STK38: variants seen among roughly 807,000 people sequenced by gnomAD.
The protein encoded by STK38 is serine/threonine-protein kinase 38.
STK38 carries 26 observed loss-of-function variants against 59.0 expected under a neutral mutation model. That is an observed-to-expected ratio of 0.44 (90% confidence interval 0.32 to 0.61). STK38 has a LOEUF of 0.61. Ranked by LOEUF, STK38 falls within the 20% of genes least tolerant of loss-of-function variation. The pLI is 0.04. For missense variants in STK38, 433 were observed against 566.0 expected (o/e 0.76, Z 2.38); for synonymous variants, 175 against 176.6 (o/e 0.99, Z 0.07).
chr6:36,511,120 A>G (rs1353734239), intron 7 of STK38, among the ~76,000 whole-genome samples: 4 of 152,204 alleles, frequency 2.6e-5, no homozygotes, highest in Non-Finnish European at 5.9e-5. Context: ...AATGACTTCA[A>G]TGTCTGTGGT....
chr6:36,545,821 A>G (rs1219678494), intron 1 of STK38, among the ~76,000 whole-genome samples: 1 of 152,210 alleles, frequency 6.6e-6, no homozygotes, highest in Non-Finnish European at 1.5e-5. Context: ...CAAAGTTTTA[A>G]AAAATTAACA....
At position 36,508,794 on chromosome 6, in the gene STK38, C is replaced by T. The variant is rs566248288; in HGVS notation, c.670-1192G>A. On this transcript the variant is annotated intron_variant, in intron 7 of 13. Coordinates refer to ENST00000229812, the MANE Select transcript of STK38 (RefSeq NM_007271.4). ...AGCCACTGCACACAGCCAGGCACACCGGTGGCCACTGCACACAGCCAGGCA... is the reference window on the plus strand; with the variant it reads ...AGCCACTGCACACAGCCAGGCACACTGGTGGCCACTGCACACAGCCAGGCA... Among the ~76,000 whole-genome samples the T allele has an allele frequency of 1.3e-4, 20 of 152,260 alleles. No individual in the cohort carries two copies. The South Asian group carries it at 3.9e-3, about 30-fold the overall frequency.
intron 9 of STK38, 25 bp from the exon 10 acceptor site, chr6:36,500,015 G>A (rs755665514): frequency 8.8e-6 from 14 of 1,583,498 alleles, no homozygotes; most frequent in Admixed American, 6.7e-5. Context: ...ACACATCAGC[G>A]AGGCCCAGCC....
At chr6:36,501,982 C>T (rs1464411610) in intron 9 of STK38, among the ~76,000 whole-genome samples, 2 of 152,152 alleles carry the variant, frequency 1.3e-5, no homozygotes, top group Non-Finnish European at 2.9e-5. Context: ...GGGTTATAAG[C>T]ATTTAAACTT....
intron 3 of STK38, 49 bp from the exon 4 acceptor site, chr6:36,524,512 G>C (rs753214733): frequency 1.9e-5 from 29 of 1,546,494 alleles, no homozygotes; most frequent in Non-Finnish European, 2.3e-5. Context: ...CTGAAATTCT[G>C]AAACTCTGTA....
chr6:36,524,575 G>A, intron 3 of STK38, 112 bp from the exon 4 acceptor site: 1 of 1,115,284 alleles, frequency 9.0e-7, no homozygotes, highest in Non-Finnish European at 1.3e-6. Context: ...AGTGGACTAA[G>A]GATAATCTTT....
chr6:36,532,301 T>C (rs1314176317), intron 2 of STK38, among the ~76,000 whole-genome samples: 1 of 130,748 alleles, frequency 7.6e-6, no homozygotes, highest in Admixed American at 7.6e-5. Context: ...AGTGAGACCT[T>C]GTCTGCATAA....
chr6:36,515,297 T>C, intron 7 of STK38, 41 bp downstream of exon 7: 1 of 1,602,730 alleles, frequency 6.2e-7, no homozygotes, highest in Non-Finnish European at 8.5e-7. Context: ...GCTGCTCAGA[T>C]CAGTAAACGT....
intron 2 of STK38, among the ~76,000 whole-genome samples, chr6:36,539,314 A>G (rs1777874955): frequency 6.6e-6 from 1 of 151,642 alleles, no homozygotes; most frequent in Admixed American, 6.6e-5. Flanking sequence ...TGAACCCAGG[A>G]GGCAGAGGCT....
chr6:36,499,845 A>G, intron 10 of STK38, 28 bp downstream of exon 10: 1 of 1,581,768 alleles, frequency 6.3e-7, no homozygotes, highest in South Asian at 1.1e-5. Flanking sequence ...GATGCACAGA[A>G]AAAGTCCTCT....
At chr6:36,522,003 C>T (rs1405247843) in intron 4 of STK38, among the ~76,000 whole-genome samples, 186 bp from the exon 5 acceptor site, 1 of 152,140 alleles carries the variant, frequency 6.6e-6, no homozygotes, top group African/African-American at 2.4e-5. Context: ...ACAGTAAAGT[C>T]GATGCTGGAA....
At chr6:36,543,936 G>A (rs1338809565) in intron 1 of STK38, among the ~76,000 whole-genome samples, 1 of 152,116 alleles carries the variant, frequency 6.6e-6, no homozygotes, top group East Asian at 1.9e-4. Context: ...ACCCAGCCAA[G>A]GACCATTTTC....
Position 36,507,569 on chromosome 6 carries a change from T to C in STK38, c.703A>G (p.Thr235Ala), listed in dbSNP as rs1386857046. The change falls in exon 8 of 14, where the codon ACA (threonine) becomes GCA (alanine). Residue 235 changes from threonine to alanine, a missense_variant. Physicochemically the swap from Thr to Ala is moderately conservative, Grantham distance 58. This residue lies in a region of STK38 where 293 missense variants were observed against 388.2 expected (regional missense o/e 0.75). Coordinates refer to ENST00000229812, the MANE Select transcript of STK38 (RefSeq NM_007271.4). ...GTCCTATGTGCTTTTTTCAGTCCTG[T>C]GCAAAGACCAAAGTCAGAAAGTTTC... ...HVKLSDFGLCTGLKKAHRTEF... is the reference protein window; with the variant it reads ...HVKLSDFGLCAGLKKAHRTEF... The C allele has an allele frequency of 6.2e-7, 1 of 1,614,144 alleles. No homozygotes were observed. The highest frequency in any genetic ancestry group is 1.7e-5 in the Admixed American group (1 of 60,028).
intron 2 of STK38, among the ~76,000 whole-genome samples, chr6:36,529,645 A>G (rs941381113): frequency 6.6e-6 from 1 of 152,220 alleles, no homozygotes; most frequent in Non-Finnish European, 1.5e-5. Flanking sequence ...AGAGAGTGGT[A>G]AGTCCTTCTG....
chr6:36,497,886 C>T lies in STK38; in HGVS notation c.1077-11G>A. 1 of 1,594,018 alleles carries T rather than the reference C, an allele frequency of 6.3e-7. No homozygotes were observed. Among genetic ancestry groups the T allele is most frequent in the South Asian group, 1.1e-5 (1 of 88,870 alleles). Reference sequence around the variant, plus strand: ...CATTCACAGCAGAACCTGGAAAAGACAGAGGCCTTTCAGCACATCTCAAGC... The same window carrying T: ...CATTCACAGCAGAACCTGGAAAAGATAGAGGCCTTTCAGCACATCTCAAGC... On this transcript the variant is annotated splice_polypyrimidine_tract_variant and intron_variant, in intron 11 of 13. Coordinates refer to ENST00000229812, the MANE Select transcript of STK38 (RefSeq NM_007271.4).
chr6:36,540,521 G>C (rs1777908684), intron 1 of STK38, among the ~76,000 whole-genome samples: 1 of 152,190 alleles, frequency 6.6e-6, no homozygotes, highest in South Asian at 2.1e-4. Flanking sequence ...GGAAGTTGGA[G>C]GCACTTAAGT....
chr6:36,499,531 G>C (rs1031020092), intron 10 of STK38, among the ~76,000 whole-genome samples: 1 of 152,162 alleles, frequency 6.6e-6, no homozygotes, highest in Non-Finnish European at 1.5e-5. Flanking sequence ...GAAGGGGGCG[G>C]CAAATTAGGA....
chr6:36,540,031 G>A (rs1437669057), intron 2 of STK38, 41 bp downstream of exon 2: 5 of 1,610,198 alleles, frequency 3.1e-6, no homozygotes, highest in Non-Finnish European at 4.2e-6. Flanking sequence ...AGAAAGGAAT[G>A]CCACAACCAT....
intron 9 of STK38, among the ~76,000 whole-genome samples, chr6:36,505,665 G>A (rs184487888): frequency 6.6e-6 from 1 of 152,160 alleles, no homozygotes; most frequent in African/African-American, 2.4e-5. Context: ...TGGGCAAACG[G>A]AAGTGCTACC....
Sources: allele counts gnomAD v4.1 joint callset (sites outside exome capture counted in the v4.1 genomes callset), GRCh38; gene constraint gnomAD v4.1.1; regional missense constraint gnomAD v4.1.1; transcripts MANE v1.5; gene names NCBI Gene and HGNC (gene_info 2026-07-23, HGNC 2026-07-21).